Variants in ZNF337 observed in about 807,000 individuals in gnomAD.
The protein encoded by ZNF337 is zinc finger protein 337.
A neutral mutation model predicts 12.1 loss-of-function variants in ZNF337; 8 were observed. That is an observed-to-expected ratio of 0.66 (90% confidence interval 0.39 to 1.19). The LOEUF (loss-of-function observed/expected upper bound fraction) is 1.19, where lower values mean the gene tolerates loss of function less well. Ranked by LOEUF, ZNF337 falls within the 50% of genes most tolerant of loss-of-function variation. The probability of loss-of-function intolerance (pLI) is 0.01; values close to 1 mark genes in which losing one functional copy is unlikely to be tolerated. For synonymous variants in ZNF337, 336 were observed against 320.0 expected (o/e 1.05, Z -0.53); for missense variants, 882 against 896.6 (o/e 0.98, Z 0.21).
chr20:25,684,348 TATA>T (rs1367506435), intron 4 of ZNF337, among the ~76,000 whole-genome samples: 2 of 151,322 alleles, frequency 1.3e-5, no homozygotes, highest in Non-Finnish European at 2.9e-5. Flanking sequence ...AAACTTAAAG[TATA>T]ATAATAATAC....
At chr20:25,680,741 A>G (rs886100560) in intron 4 of ZNF337, 28 of 152,204 alleles carry the variant, frequency 1.8e-4, no homozygotes, top group African/African-American at 6.8e-4. Context: ...TTACAGGGTA[A>G]CTTACAATGG....
intron 1 of ZNF337, among the ~76,000 whole-genome samples, chr20:25,693,083 AAT>A (rs1437218080): frequency 6.6e-6 from 1 of 152,084 alleles, no homozygotes; most frequent in African/African-American, 2.4e-5. Context: ...ATAAAGTAAA[AAT>A]TATTATTTTT....
Position 25,675,823 on chromosome 20 carries a change from C to T in ZNF337, c.1465G>A (p.Gly489Arg). 3 of 1,613,774 alleles carry T rather than the reference C, an allele frequency of 1.9e-6. No homozygotes were observed. The highest frequency in any genetic ancestry group is 2.5e-6 in the Non-Finnish European group (3 of 1,179,940). The change falls in exon 5 of 5, where the codon GGA (glycine) becomes AGA (arginine). Residue 489 changes from glycine to arginine, a missense_variant. By Grantham distance (125) the Gly-to-Arg change is moderately radical (BLOSUM62 -2). Coordinates refer to ENST00000252979, the MANE Select transcript of ZNF337 (RefSeq NM_015655.4). The part of the protein sequence containing the change: ...QRTHSEEKPY[G>R]CRECGRRFRD... ...AACCTTCGCCCACACTCCCGACATC[C>T]ATAAGGCTTCTCCTCTGAGTGTGTC...
In ZNF337 at chr20:25,696,087, T is replaced by TCCCCCC. The variant is rs149644721; in HGVS notation, c.-50+666_-50+671dup. Among the ~76,000 whole-genome samples the TCCCCCC allele has an allele frequency of 1.7e-3, 88 of 52,120 alleles. 15 individuals are homozygous for TCCCCCC. Among genetic ancestry groups the TCCCCCC allele is most frequent in the South Asian group, 2.3e-3 (2 of 882 alleles). 34.2% of individuals were successfully genotyped at this position (52,120 alleles called of 152,430 possible). ...TCCCGCGGACGCTGCCCCACGCAGA[T>TCCCCCC]CCCCCCCCCCCCCCACCAAAACACG... On this transcript the variant is annotated intron_variant, in intron 1 of 4. Coordinates refer to ENST00000252979, the MANE Select transcript of ZNF337 (RefSeq NM_015655.4).
chr20:25,682,830 C>T (rs1352214631), intron 4 of ZNF337, among the ~76,000 whole-genome samples: 3 of 143,070 alleles, frequency 2.1e-5, no homozygotes, highest in Admixed American at 6.7e-5. Context: ...AGTGAAACTC[C>T]GACTCAAAAA....
Position 25,675,826 on chromosome 20 carries a change from A to G in ZNF337, c.1462T>C (p.Tyr488His). 6.2e-7 allele frequency: 1 copy of G among 1,614,138 alleles called. No individual in the cohort carries two copies. The highest frequency in any genetic ancestry group is 8.5e-7 in the Non-Finnish European group (1 of 1,180,020). ...CTTCGCCCACACTCCCGACATCCAT[A>G]AGGCTTCTCCTCTGAGTGTGTCCTC... ...HQRTHSEEKP[Y>H]GCRECGRRFR... The change falls in exon 5 of 5, where the codon TAT becomes CAT. Residue 488 changes from tyrosine (Y) to histidine (H), a missense_variant. Tyr to His is a moderately conservative substitution (Grantham distance 83). Transcript: ENST00000252979.
At position 25,675,924 on chromosome 20, in the gene ZNF337, G is replaced by A; in HGVS notation, c.1364C>T (p.Ser455Leu). ...STLVKHQITH[S>L]EEKPFVCKDC... ...CTTGCACACAAAAGGCTTCTCCTCT[G>A]AGTGTGTGATCTGATGTTTCACAAG... The change falls in exon 5 of 5, where the codon TCA (serine) becomes TTA (leucine). Residue 455 changes from serine to leucine, a missense_variant. Coordinates refer to ENST00000252979, the MANE Select transcript of ZNF337 (RefSeq NM_015655.4). The A allele has an allele frequency of 6.2e-7, 1 of 1,613,984 alleles. No homozygotes were observed.
chr20:25,676,331 AG>A lies in ZNF337; in HGVS notation c.956del (p.Pro319LeufsTer69). Reference protein sequence around the residue: ...KHLKAHSGEKPFVCKECGRGY... With the variant: ...KHLKAHSGEKXFVCKECGRGY... ...CTCGCCCACACTCCTTGCACACAAA[AG>A]GCTTCTCCCCTGAATGCGCCTTCAA... On this transcript the variant is annotated frameshift_variant, in exon 5 of 5. Transcript: ENST00000252979. LOFTEE classifies it low-confidence loss of function (END_TRUNC). The A allele has an allele frequency of 6.2e-7, 1 of 1,612,520 alleles. No individual in the cohort carries two copies. The highest frequency in any genetic ancestry group is 8.5e-7 in the Non-Finnish European group (1 of 1,179,552).
At chr20:25,683,850 C>T (rs1161093981) in intron 4 of ZNF337, among the ~76,000 whole-genome samples, 7 of 152,032 alleles carry the variant, frequency 4.6e-5, no homozygotes, top group African/African-American at 1.5e-4. Flanking sequence ...ATCCCATTAC[C>T]AGGTATATAC....
chr20:25,696,342 GT>G (rs1459459396), intron 1 of ZNF337, among the ~76,000 whole-genome samples: 1 of 152,074 alleles, frequency 6.6e-6, no homozygotes, highest in African/African-American at 2.4e-5. Context: ...CACCCCACCA[GT>G]GGACCCTGGC....
Position 25,675,872 on chromosome 20 carries a change from C to T in ZNF337, c.1416G>A (p.Lys472=), listed in dbSNP as rs774083176. 6 of 1,614,164 alleles carry T rather than the reference C, an allele frequency of 3.7e-6. No homozygotes were observed. The highest frequency in any genetic ancestry group is 1.6e-4 in the Middle Eastern group (1 of 6,062). The change falls in exon 5 of 5, where the codon AAG becomes AAA. Residue 472 remains lysine, a synonymous_variant. Transcript: ENST00000252979. Reference sequence around the variant, plus strand: ...TCCTCTGGTGTAAAGTGAAGGTTGACTTTTGGATAAAGCCTCGTCCACAGT... The same window carrying T: ...TCCTCTGGTGTAAAGTGAAGGTTGATTTTTGGATAAAGCCTCGTCCACAGT... ...CKDCGRGFIQ[K]STFTLHQRTH...
chr20:25,675,737 G>A lies in ZNF337; in HGVS notation c.1551C>T (p.Phe517=), dbSNP rs758790332. 6.2e-7 allele frequency: 1 copy of A among 1,613,084 alleles called. No individual in the cohort carries two copies. Among genetic ancestry groups the A allele is most frequent in the Non-Finnish European group, 8.5e-7 (1 of 1,179,748 alleles). The change falls in exon 5 of 5, where the codon TTC becomes TTT. Residue 517 remains phenylalanine (F), a synonymous_variant. Transcript: ENST00000252979. ...TAAAGCCTCGCCCACAATCCCTGCA[G>A]AAAAAACGTTTCTCACCCAAGTGTG... ...LRAHLGEKRF[F]CRDCGRGFTL...
At chr20:25,678,438 C>T (rs1210950596) in intron 4 of ZNF337, among the ~76,000 whole-genome samples, 1 of 152,064 alleles carries the variant, frequency 6.6e-6, no homozygotes, top group African/African-American at 2.4e-5. Context: ...GACCATACTG[C>T]CCAAAGCAAT....
chr20:25,689,483 T>G (rs921129868), intron 1 of ZNF337, among the ~76,000 whole-genome samples: 1 of 152,206 alleles, frequency 6.6e-6, no homozygotes, highest in East Asian at 1.9e-4. Flanking sequence ...AATGATTACA[T>G]GTAAGGGCAC....
chr20:25,680,185 ATATAGT>A (rs967074063), intron 4 of ZNF337, among the ~76,000 whole-genome samples: 14 of 152,166 alleles, frequency 9.2e-5, no homozygotes, highest in African/African-American at 3.4e-4. Context: ...GGGTACAAAA[ATATAGT>A]TAGAAGAAAT....
intron 3 of ZNF337, 98 bp downstream of exon 3, chr20:25,685,898 G>A: frequency 6.6e-7 from 1 of 1,507,726 alleles, no homozygotes; most frequent in Non-Finnish European, 8.9e-7. Flanking sequence ...TTCCTCAGGG[G>A]AATAGAGAAA....
At chr20:25,683,516 A>C (rs961288022) in intron 4 of ZNF337, among the ~76,000 whole-genome samples, 4 of 90,900 alleles carry the variant, frequency 4.4e-5, no homozygotes, top group Admixed American at 2.4e-4. Context: ...ATTTACAAGA[A>C]AAAAAAAAAC....
intron 4 of ZNF337, chr20:25,677,344 C>T (rs2065712693): frequency 7.4e-6 from 2 of 272,102 alleles, no homozygotes; most frequent in Admixed American, 4.8e-5. Context: ...CTAGCAAAAC[C>T]AATGCAACAA....
chr20:25,696,414 T>G (rs926376909), intron 1 of ZNF337, among the ~76,000 whole-genome samples: 3 of 152,054 alleles, frequency 2.0e-5, no homozygotes, highest in African/African-American at 7.2e-5. Flanking sequence ...GCTAGGCCGC[T>G]GGCCCGTCCC....
Sources: gnomAD v4.1 joint callset for allele counts (sites outside exome capture counted in the v4.1 genomes callset) on GRCh38, gnomAD v4.1.1 for gene constraint, MANE v1.5 for transcripts, NCBI Gene and HGNC (gene_info 2026-07-23, HGNC 2026-07-21) for gene names.